Variants in PINX1 observed in about 807,000 individuals in gnomAD.
PINX1 encodes the protein PIN2/TERF1-interacting telomerase inhibitor 1.
In PINX1, 34 loss-of-function variants were observed where a neutral mutation model predicts 25.4. That is an observed-to-expected ratio of 1.34 (90% CI 1.02 to 1.78). The LOEUF (loss-of-function observed/expected upper bound fraction) is 1.78, where lower values mean the gene tolerates loss of function less well. Among genes scored for constraint, PINX1 ranks in the 40% most tolerant of loss-of-function variants. The pLI is 0.00. For synonymous variants in PINX1, 197 were observed against 147.7 expected (o/e 1.33, Z -2.42); for missense variants, 592 against 404.9 (o/e 1.46, Z -3.97).
chr8:10,766,035 G>GGCACCCACACCCA, intron 6 of PINX1, 119 bp from the exon 7 acceptor site: 3 of 907,092 alleles, frequency 3.3e-6, no homozygotes, highest in Non-Finnish European at 5.1e-6. Flanking sequence ...GCTCACACCC[G>GGCACCCACACCCA]GCACCCACAC....
intron 6 of PINX1, among the ~76,000 whole-genome samples, chr8:10,806,556 T>C (rs1428206822): frequency 6.6e-6 from 1 of 152,210 alleles, no homozygotes; most frequent in Non-Finnish European, 1.5e-5. Context: ...GTTACACTTT[T>C]GAATTGAAAG....
intron 4 of PINX1, among the ~76,000 whole-genome samples, chr8:10,826,965 C>T (rs971086768): frequency 6.6e-6 from 1 of 152,152 alleles, no homozygotes; most frequent in Non-Finnish European, 1.5e-5. Flanking sequence ...TTGCACAGAA[C>T]CATCCGCCCA....
At chr8:10,772,981 T>C (rs1243200292) in intron 6 of PINX1, among the ~76,000 whole-genome samples, 1 of 152,146 alleles carries the variant, frequency 6.6e-6, no homozygotes, top group Non-Finnish European at 1.5e-5. Context: ...AAAAACTATT[T>C]TATGACATGT....
intron 6 of PINX1, among the ~76,000 whole-genome samples, chr8:10,791,289 C>T (rs927999001): frequency 1.3e-5 from 2 of 152,182 alleles, no homozygotes; most frequent in Non-Finnish European, 2.9e-5. Context: ...TAACAAGACT[C>T]TGTTTTTCAA....
chr8:10,765,353 G>A lies in PINX1; in HGVS notation c.*48C>T, dbSNP rs919072204. ...CTTCAGGCCAGAGGTGTCTGCCCCC[G>A]CAGTGCCCTGACAGCTGAGTGGTCG... is the stretch of plus-strand genomic sequence containing the variant. On this transcript the variant is annotated 3_prime_UTR_variant, in exon 7 of 7. Coordinates refer to ENST00000314787, the MANE Select transcript of PINX1 (RefSeq NM_017884.6). 43 of 1,501,284 alleles carry A rather than the reference G, an allele frequency of 2.9e-5. No homozygotes were observed. Among genetic ancestry groups the A allele is most frequent in the Non-Finnish European group, 3.7e-5 (42 of 1,124,930 alleles). The allele number at this position is 1,501,284 out of a possible 1,614,324, so 93.0% of individuals were successfully genotyped here.
intron 5 of PINX1, among the ~76,000 whole-genome samples, chr8:10,820,524 C>T (rs933065661): frequency 6.6e-6 from 1 of 152,200 alleles, no homozygotes; most frequent in African/African-American, 2.4e-5. Context: ...CAACCTAGAG[C>T]ATACTGACTG....
At position 10,839,776 on chromosome 8, in the gene PINX1, C is replaced by T. The variant is rs1481704610; in HGVS notation, c.-20G>A. The stretch of plus-strand genomic sequence containing the variant: ...AGACATGTCGGAGAGCCTGTGATAC[C>T]GCCGCCTCTGGACCTGGGTGACTGC... On this transcript the variant is annotated 5_prime_UTR_variant, in exon 1 of 7. Coordinates refer to ENST00000314787, the MANE Select transcript of PINX1 (RefSeq NM_017884.6). 1.3e-6 allele frequency: 2 copies of T among 1,599,816 alleles called. No homozygotes were observed. The highest frequency in any genetic ancestry group is 3.4e-5 in the Admixed American group (2 of 58,618).
At chr8:10,784,674 A>G (rs568860812) in intron 6 of PINX1, among the ~76,000 whole-genome samples, 2 of 152,200 alleles carry the variant, frequency 1.3e-5, no homozygotes, top group Non-Finnish European at 2.9e-5. Flanking sequence ...CAGGCCCACA[A>G]AATGCTTCAA....
intron 6 of PINX1, among the ~76,000 whole-genome samples, chr8:10,806,794 G>A (rs1802466342): frequency 6.6e-6 from 1 of 152,152 alleles, no homozygotes; most frequent in African/African-American, 2.4e-5. Context: ...GCTCCTGACA[G>A]GAGGGAGGCC....
intron 6 of PINX1, among the ~76,000 whole-genome samples, chr8:10,790,673 G>A (rs1170226964): frequency 6.6e-6 from 1 of 152,110 alleles, no homozygotes; most frequent in African/African-American, 2.4e-5. Flanking sequence ...GCTCAGGCTC[G>A]GGCTCTGGCA....
chr8:10,818,352 A>G (rs1797762986), intron 6 of PINX1, among the ~76,000 whole-genome samples: 1 of 152,206 alleles, frequency 6.6e-6, no homozygotes, highest in Non-Finnish European at 1.5e-5. Context: ...TTAGCTACCA[A>G]AGAGTCAAGT....
At chr8:10,821,615 A>G (rs1053361062) in intron 5 of PINX1, among the ~76,000 whole-genome samples, 6 of 152,260 alleles carry the variant, frequency 3.9e-5, no homozygotes, top group Non-Finnish European at 2.9e-5. Context: ...AAAGTGGGGA[A>G]GAAAACTGGT....
intron 6 of PINX1, among the ~76,000 whole-genome samples, chr8:10,813,339 A>G (rs1386342448): frequency 6.6e-6 from 1 of 152,198 alleles, no homozygotes; most frequent in African/African-American, 2.4e-5. Flanking sequence ...TCAGAAAAGG[A>G]GAAACACCCT....
chr8:10,776,406 C>CA (rs1283343666), intron 6 of PINX1, among the ~76,000 whole-genome samples: 1 of 150,894 alleles, frequency 6.6e-6, no homozygotes, highest in African/African-American at 2.5e-5. Flanking sequence ...GCCTGGGTAA[C>CA]AGAGTGAGAC....
chr8:10,839,667 CG>C, intron 1 of PINX1, 70 bp downstream of exon 1: 19 of 1,509,380 alleles, frequency 1.3e-5, no homozygotes, highest in Admixed American at 1.9e-5. Flanking sequence ...CCAGCCACTC[CG>C]GGCTGCCGTG....
At chr8:10,787,223 A>C (rs11778578) in intron 6 of PINX1, among the ~76,000 whole-genome samples, 1 of 151,734 alleles carries the variant, frequency 6.6e-6, no homozygotes, top group African/African-American at 2.4e-5. Context: ...ACACACACAC[A>C]CGTTTGTTTG....
intron 1 of PINX1, among the ~76,000 whole-genome samples, chr8:10,836,234 A>G (rs906052784): frequency 6.6e-6 from 1 of 152,200 alleles, no homozygotes; most frequent in East Asian, 1.9e-4. Flanking sequence ...GCAGAAAAAA[A>G]GGCCCTTAAC....
chr8:10,836,178 C>G (rs1051656742), intron 1 of PINX1, among the ~76,000 whole-genome samples: 1 of 152,048 alleles, frequency 6.6e-6, no homozygotes, highest in African/African-American at 2.4e-5. Context: ...AGGCCCATAA[C>G]TATGCACACT....
At chr8:10,782,608 C>T (rs1472743567) in intron 6 of PINX1, among the ~76,000 whole-genome samples, 3 of 152,088 alleles carry the variant, frequency 2.0e-5, no homozygotes, top group African/African-American at 4.8e-5. Flanking sequence ...TGGTGGCTCA[C>T]GCCTGTAATC....
Sources: gnomAD v4.1 joint callset for allele counts (sites outside exome capture counted in the v4.1 genomes callset) on GRCh38, gnomAD v4.1.1 for gene constraint, MANE v1.5 for transcripts, NCBI Gene and HGNC (gene_info 2026-07-23, HGNC 2026-07-21) for gene names.